Variants in NOMO1 observed in about 807,000 individuals in gnomAD.
The protein encoded by NOMO1 is nodal modulator 3.
In NOMO1, 40 loss-of-function variants were observed where a neutral mutation model predicts 133.8. The ratio of observed to expected loss-of-function variants is 0.30; its 90% CI spans 0.23 to 0.39. The LOEUF is 0.39. Ranked by LOEUF, NOMO1 falls within the 10% of genes least tolerant of loss-of-function variation. NOMO1 has a pLI of 1.00. For missense variants in NOMO1, 462 were observed against 1,419.9 expected (o/e 0.33, Z 10.84); for synonymous variants, 236 against 570.5 (o/e 0.41, Z 8.36).
At chr16:14,894,324 C>T (rs1397983671) in intron 29 of NOMO1, among the ~76,000 whole-genome samples, 5 of 152,158 alleles carry the variant, frequency 3.3e-5, no homozygotes, top group Non-Finnish European at 7.3e-5. Flanking sequence ...CACACCACTT[C>T]CCTAGGGTCC....
rs1444596563 is a variant in NOMO1 at position 14,887,589 on chromosome 16, C to T, written c.3324+727C>T. On this transcript the variant is annotated intron_variant, in intron 28 of 30. Coordinates refer to ENST00000287667, the MANE Select transcript of NOMO1 (RefSeq NM_014287.4). ...TGCTGAGATTACAGGCGTGAGCCCC[C>T]GTGCCTGGCCAAATCTTTCATACTA... Among the ~76,000 whole-genome samples the T allele has an allele frequency of 3.3e-5, 5 of 151,864 alleles. 1 individual carries two copies. The highest frequency in any genetic ancestry group is 7.3e-5 in the African/African-American group (3 of 41,290).
At chr16:14,841,649 A>G (rs1963605268) in intron 3 of NOMO1, among the ~76,000 whole-genome samples, 1 of 148,666 alleles carries the variant, frequency 6.7e-6, no homozygotes, top group Non-Finnish European at 1.5e-5. Context: ...ACCTTTCTGG[A>G]AACTCTTCCC....
chr16:14,857,801 A>G (rs1211735088), intron 11 of NOMO1, 146 bp downstream of exon 11: 3 of 727,394 alleles, frequency 4.1e-6, no homozygotes, highest in South Asian at 1.9e-5. Flanking sequence ...TGAGAGACAG[A>G]GTCTTGCCCT....
chr16:14,853,678 T>C, intron 8 of NOMO1, 74 bp downstream of exon 8: 2 of 1,609,020 alleles, frequency 1.2e-6, no homozygotes, highest in Non-Finnish European at 1.7e-6. Flanking sequence ...GCTGTTTGGG[T>C]GTTAAAGGAA....
chr16:14,889,514 A>G (rs1964376805), intron 29 of NOMO1, among the ~76,000 whole-genome samples: 2 of 152,048 alleles, frequency 1.3e-5, no homozygotes, highest in African/African-American at 4.8e-5. Context: ...CTTGGGTAAC[A>G]GAGTGAGACC....
At chr16:14,846,535 G>T (rs759948292) in intron 4 of NOMO1, 42 bp from the exon 5 acceptor site, 2 of 633,452 alleles carry the variant, frequency 3.2e-6, no homozygotes, top group South Asian at 2.0e-5. Flanking sequence ...TTGAGAGGAG[G>T]GTGCTTTGCT....
chr16:14,873,597 C>T (rs1419851880), intron 18 of NOMO1, among the ~76,000 whole-genome samples: 2 of 150,688 alleles, frequency 1.3e-5, no homozygotes, highest in African/African-American at 4.9e-5. Flanking sequence ...CTATCATTTA[C>T]TGTCTCCCTG....
In NOMO1 at chr16:14,884,933, G is replaced by A. The variant is rs956337608; in HGVS notation, c.3222+451G>A. ...ACAAAAGAGGTTTCATTGGCTCCTC[G>A]TTCTGTAGGTTGTACAGGAAGCATA... On this transcript the variant is annotated intron_variant, in intron 27 of 30. Transcript: ENST00000287667. Among the ~76,000 whole-genome samples, 10 of 152,010 alleles carry A rather than the reference G, an allele frequency of 6.6e-5. 1 individual carries two copies. The highest frequency in any genetic ancestry group is 1.7e-4 in the African/African-American group (7 of 41,314).
chr16:14,859,950 A>G (rs1417333476), intron 11 of NOMO1, among the ~76,000 whole-genome samples: 6 of 152,000 alleles, frequency 3.9e-5, no homozygotes, highest in Admixed American at 1.3e-4. Flanking sequence ...TGCATAGGAT[A>G]GGAAGGACCT....
At position 14,857,607 on chromosome 16, in the gene NOMO1, T is replaced by A; in HGVS notation, c.1172T>A (p.Ile391Asn). Residue 391 changes from isoleucine (I) to asparagine (N), a missense_variant, in exon 11 of 31, where the codon ATC (isoleucine) becomes AAC (asparagine). Ile to Asn is a moderately radical substitution (Grantham distance 149). Transcript: ENST00000287667. ...KEHLYFETVT[I>N]KIAPNTPQLA... ...CACCTCTACTTTGAAACGGTCACCA[T>A]CAAAATTGCACCGAACACACCTCAG... 1.2e-6 allele frequency: 2 copies of A among 1,613,206 alleles called. No individual in the cohort carries two copies. The highest frequency in any genetic ancestry group is 1.7e-6 in the Non-Finnish European group (2 of 1,179,742).
chr16:14,887,514 A>T (rs2151011613), intron 28 of NOMO1, among the ~76,000 whole-genome samples: 1 of 150,610 alleles, frequency 6.6e-6, no homozygotes, highest in East Asian at 2.0e-4. Context: ...GTTAGCCAGG[A>T]TGGTCTTGAT....
intron 23 of NOMO1, among the ~76,000 whole-genome samples, chr16:14,879,685 C>T (rs1442651966): frequency 1.5e-5 from 2 of 136,094 alleles, no homozygotes; most frequent in African/African-American, 2.8e-5. Context: ...GTTGAGACTA[C>T]GGTGTGCTGT....
In NOMO1 at chr16:14,857,426, G is replaced by A; in HGVS notation, c.1070-79G>A. On this transcript the variant is annotated intron_variant, in intron 10 of 30. Coordinates refer to ENST00000287667, the MANE Select transcript of NOMO1 (RefSeq NM_014287.4). ...CTATATGAGAACATGGCAGCTTTTG[G>A]TCCAAGTATTCTGGTGTACATGTAA... is the stretch of plus-strand genomic sequence containing the variant. The A allele has an allele frequency of 3.8e-6, 6 of 1,566,890 alleles. No homozygotes were observed. The South Asian group carries it at 7.0e-5, about 18-fold the overall frequency.
intron 11 of NOMO1, among the ~76,000 whole-genome samples, chr16:14,860,409 T>C (rs1433500146): frequency 6.7e-6 from 1 of 148,330 alleles, no homozygotes; most frequent in Non-Finnish European, 1.5e-5. Context: ...AAGGGAGTGA[T>C]AGGGATCATG....
At chr16:14,858,543 G>A (rs535772836) in intron 11 of NOMO1, among the ~76,000 whole-genome samples, 62 of 151,808 alleles carry the variant, frequency 4.1e-4, no homozygotes, top group African/African-American at 1.5e-3. Flanking sequence ...TGGGAGAAGC[G>A]CGGCATGAGC....
rs1062412 is a variant in NOMO1, at chr16:14,864,657, A to G, written c.1468A>G (p.Asn490Asp). ...KPQTFPLTVT[N>D]RPMMDVAFVQ... ...CCAGACATTTCCTCTTACTGTGACC[A>G]ACAGGCCCATGATGGATGTGGCCTT... is the stretch of plus-strand genomic sequence containing the variant. The change falls in exon 13 of 31, where the codon AAC becomes GAC. Residue 490 changes from asparagine to aspartate, a missense_variant. By Grantham distance (23) the Asn-to-Asp change is conservative. Coordinates refer to ENST00000287667, the MANE Select transcript of NOMO1 (RefSeq NM_014287.4). 0.099 allele frequency: 156,377 copies of G among 1,583,620 alleles called. 10,317 individuals are homozygous for G. Among genetic ancestry groups the G allele is most frequent in the Non-Finnish European group, 0.11 (127,223 of 1,158,544 alleles).
chr16:14,844,803 C>T, intron 4 of NOMO1, 29 bp downstream of exon 4: 1 of 533,268 alleles, frequency 1.9e-6, no homozygotes, highest in Non-Finnish European at 3.4e-6. Context: ...ATTATTTTTC[C>T]TGTTCACTCT....
intron 23 of NOMO1, among the ~76,000 whole-genome samples, chr16:14,879,239 G>A (rs1168397552): frequency 1.3e-5 from 2 of 151,656 alleles, no homozygotes; most frequent in East Asian, 3.9e-4. Flanking sequence ...CTTTCAAGAT[G>A]CAGTCGGAGG....
At chr16:14,872,068 G>C (rs930169672) in intron 17 of NOMO1, among the ~76,000 whole-genome samples, 166 bp from the exon 18 acceptor site, 7 of 151,974 alleles carry the variant, frequency 4.6e-5, no homozygotes, top group African/African-American at 1.5e-4. Context: ...TGGAGAATTA[G>C]TTTACTCTTT....
Sources: allele counts gnomAD v4.1 joint callset (sites outside exome capture counted in the v4.1 genomes callset), GRCh38; gene constraint gnomAD v4.1.1; transcripts MANE v1.5; gene names NCBI Gene and HGNC (gene_info 2026-07-23, HGNC 2026-07-21).